The following ST6GALNAC3 variants were observed in gnomAD, a reference collection of about 807,000 sequenced individuals.
ST6GALNAC3 encodes the protein ST6 N-acetylgalactosaminide alpha-2,6-sialyltransferase 3, also known as alpha-N-acetylgalactosaminide alpha-2,6-sialyltransferase 3.
A neutral mutation model predicts 32.7 loss-of-function variants in ST6GALNAC3; 25 were observed. The observed-to-expected ratio is 0.76, with a 90% CI of 0.56 to 1.07. ST6GALNAC3 has a LOEUF of 1.07. ST6GALNAC3 is among the 50% of genes least tolerant of loss of function. The probability of loss-of-function intolerance (pLI) is 0.00; values close to 1 mark genes in which losing one functional copy is unlikely to be tolerated. For synonymous variants in ST6GALNAC3, 129 were observed against 133.1 expected (o/e 0.97, Z 0.21); for missense variants, 355 against 382.4 (o/e 0.93, Z 0.60).
intron 2 of ST6GALNAC3, among the ~76,000 whole-genome samples, chr1:76,341,608 T>C (rs147148576): frequency 1.7e-5 from 1 of 57,580 alleles, no homozygotes; most frequent in African/African-American, 7.7e-5. Context: ...AAACTGCTTT[T>C]CTTTCTTTCT....
intron 2 of ST6GALNAC3, among the ~76,000 whole-genome samples, chr1:76,344,920 T>TC (rs779012071): frequency 6.6e-6 from 1 of 152,144 alleles, no homozygotes; most frequent in Non-Finnish European, 1.5e-5. Context: ...ACCAAGTATC[T>TC]CTCAGTGCCT....
chr1:76,406,722 G>T (rs1301878032), intron 2 of ST6GALNAC3, among the ~76,000 whole-genome samples: 1 of 151,962 alleles, frequency 6.6e-6, no homozygotes, highest in Non-Finnish European at 1.5e-5. Flanking sequence ...GTGAAAATCA[G>T]TAATAATTAT....
intron 2 of ST6GALNAC3, among the ~76,000 whole-genome samples, chr1:76,341,613 CTT>C (rs1376195796): frequency 8.7e-5 from 8 of 91,684 alleles, no homozygotes; most frequent in African/African-American, 2.3e-4. Flanking sequence ...GCTTTTCTTT[CTT>C]TCTTTCTTTC....
At chr1:76,397,913 G>A (rs1653100067) in intron 2 of ST6GALNAC3, among the ~76,000 whole-genome samples, 1 of 151,932 alleles carries the variant, frequency 6.6e-6, no homozygotes, top group Non-Finnish European at 1.5e-5. Flanking sequence ...TGCTGTGTTT[G>A]CAAGGAGAAC....
chr1:76,516,434 A>G (rs1323636648), intron 3 of ST6GALNAC3, among the ~76,000 whole-genome samples: 1 of 152,194 alleles, frequency 6.6e-6, no homozygotes, highest in Non-Finnish European at 1.5e-5. Context: ...GCAATTAAAA[A>G]TATACTTTTT....
At chr1:76,637,207 A>T (rs1450142881), downstream of ST6GALNAC3, 1 of 152,186 alleles carries the variant, frequency 6.6e-6, no homozygotes, top group Non-Finnish European at 1.5e-5. Flanking sequence ...ATATCTATAT[A>T]ATCTTTCAAA....
chr1:76,514,904 A>G (rs1033223289), intron 3 of ST6GALNAC3, among the ~76,000 whole-genome samples: 45 of 152,046 alleles, frequency 3.0e-4, no homozygotes, highest in African/African-American at 1.0e-3. Context: ...ATATGCTACT[A>G]TATTCTGTTT....
chr1:76,444,934 A>G (rs1282149263), intron 3 of ST6GALNAC3, among the ~76,000 whole-genome samples: 3 of 152,096 alleles, frequency 2.0e-5, no homozygotes, highest in South Asian at 2.1e-4. Context: ...TCATTTGTCC[A>G]TTTCCTTAAT....
intron 1 of ST6GALNAC3, among the ~76,000 whole-genome samples, chr1:76,290,430 C>T (rs1284823415): frequency 1.3e-5 from 2 of 152,110 alleles, no homozygotes; most frequent in Non-Finnish European, 2.9e-5. Context: ...GGAATGAATA[C>T]CTCATTATTT....
At chr1:76,624,953 C>T (rs763546181) in intron 3 of ST6GALNAC3, among the ~76,000 whole-genome samples, 1 of 151,882 alleles carries the variant, frequency 6.6e-6, no homozygotes, top group East Asian at 1.9e-4. Flanking sequence ...AGCATGGTAC[C>T]GCACAGTGGT....
At position 76,269,186 on chromosome 1, in the gene ST6GALNAC3, CTCTA is replaced by C. The variant is rs552395625; in HGVS notation, c.19-44614_19-44611del. On this transcript the variant is annotated intron_variant, in intron 1 of 4. Coordinates refer to ENST00000328299, the MANE Select transcript of ST6GALNAC3 (RefSeq NM_152996.4). ...CTGTGGGTCATGACCCTACTCACGG[CTCTA>C]TCTAATTGTTTCTTCTCCCTCTTCC... 3.1e-4 allele frequency among the ~76,000 whole-genome samples: 47 copies of C among 152,294 alleles called. No homozygotes were observed. In the East Asian group the frequency reaches 8.5e-3, roughly 28 times the overall value.
intron 3 of ST6GALNAC3, among the ~76,000 whole-genome samples, chr1:76,459,398 A>G (rs1658115593): frequency 6.6e-6 from 1 of 152,086 alleles, no homozygotes; most frequent in Non-Finnish European, 1.5e-5. Context: ...CCCCATCTCT[A>G]CTAAAAATAC....
At position 76,288,986 on chromosome 1, in the gene ST6GALNAC3, G is replaced by A. The variant is rs548536253; in HGVS notation, c.19-24819G>A. On this transcript the variant is annotated intron_variant, in intron 1 of 4. Coordinates refer to ENST00000328299, the MANE Select transcript of ST6GALNAC3 (RefSeq NM_152996.4). ...GTAGAACCACACTTCCCCCTCCAAA[G>A]TACGTCTCATGCCATTGTATATTCA... Among the ~76,000 whole-genome samples the A allele has an allele frequency of 2.6e-5, 4 of 152,270 alleles. 1 individual carries two copies. The South Asian group carries it at 8.3e-4, about 32-fold the overall frequency.
chr1:76,470,715 A>G (rs927854289), intron 3 of ST6GALNAC3, among the ~76,000 whole-genome samples: 4 of 152,028 alleles, frequency 2.6e-5, no homozygotes, highest in African/African-American at 7.2e-5. Context: ...CTTTAGTCCA[A>G]ATGAGGTCAC....
chr1:76,145,868 C>G (rs1194447870), intron 1 of ST6GALNAC3, among the ~76,000 whole-genome samples: 1 of 152,124 alleles, frequency 6.6e-6, no homozygotes, highest in Admixed American at 6.5e-5. Context: ...TTCTAAGTTT[C>G]TTTTTCTTTT....
intron 1 of ST6GALNAC3, among the ~76,000 whole-genome samples, chr1:76,200,224 C>A (rs181853202): frequency 2.0e-4 from 30 of 152,294 alleles, no homozygotes; most frequent in Admixed American, 1.8e-3. Context: ...TTGGCTCTAT[C>A]ATATTCCCAG....
intron 1 of ST6GALNAC3, among the ~76,000 whole-genome samples, chr1:76,213,164 G>A (rs1339948294): frequency 6.6e-6 from 1 of 152,156 alleles, no homozygotes; most frequent in Non-Finnish European, 1.5e-5. Flanking sequence ...GTGTTGTTGG[G>A]TAGGGCCATG....
At chr1:76,119,068 A>G (rs1290617291) in intron 1 of ST6GALNAC3, among the ~76,000 whole-genome samples, 1 of 152,170 alleles carries the variant, frequency 6.6e-6, no homozygotes, top group Non-Finnish European at 1.5e-5. Context: ...TGATCCACCC[A>G]CCACGACCTC....
intron 1 of ST6GALNAC3, among the ~76,000 whole-genome samples, chr1:76,103,270 A>G (rs970579351): frequency 1.3e-5 from 2 of 151,916 alleles, no homozygotes; most frequent in African/African-American, 4.8e-5. Context: ...GGCATCATTC[A>G]TCTTGTCAAA....
Sources: allele counts gnomAD v4.1 joint callset (sites outside exome capture counted in the v4.1 genomes callset), GRCh38; gene constraint gnomAD v4.1.1; transcripts MANE v1.5; gene names NCBI Gene and HGNC (gene_info 2026-07-23, HGNC 2026-07-21).